The following ZNF438 variants were observed in gnomAD, a reference collection of about 807,000 sequenced individuals.
The protein encoded by ZNF438 is zinc finger protein 438.
ZNF438 carries 25 observed loss-of-function variants against 38.0 expected under a neutral mutation model. The ratio of observed to expected loss-of-function variants is 0.66; its 90% CI spans 0.48 to 0.92. The LOEUF (loss-of-function observed/expected upper bound fraction) is 0.92, where lower values mean the gene tolerates loss of function less well. ZNF438 is among the 40% of genes least tolerant of loss of function. ZNF438 has a pLI of 0.00. For synonymous variants in ZNF438, 372 were observed against 364.1 expected (o/e 1.02, Z -0.25); for missense variants, 1,007 against 999.6 (o/e 1.01, Z -0.10).
intron 1 of ZNF438, among the ~76,000 whole-genome samples, chr10:30,983,757 C>T (rs181521836): frequency 1.3e-4 from 20 of 152,050 alleles, no homozygotes; most frequent in Admixed American, 1.2e-3. Flanking sequence ...TCCAGAAAAT[C>T]TACTTCTAAA....
chr10:31,013,442 C>A (rs977624292), intron 1 of ZNF438, among the ~76,000 whole-genome samples: 1 of 152,166 alleles, frequency 6.6e-6, no homozygotes, highest in Admixed American at 6.5e-5. Flanking sequence ...CCCACAGATT[C>A]AATTCCAAAC....
intron 1 of ZNF438, among the ~76,000 whole-genome samples, chr10:31,011,338 C>T (rs1363163655): frequency 6.6e-6 from 1 of 152,192 alleles, no homozygotes; most frequent in African/African-American, 2.4e-5. Flanking sequence ...CTCCTGACCC[C>T]CATTTCCCTC....
chr10:30,872,856 G>C (rs2037707852), intron 4 of ZNF438, among the ~76,000 whole-genome samples: 1 of 151,738 alleles, frequency 6.6e-6, no homozygotes, highest in Non-Finnish European at 1.5e-5. Flanking sequence ...TTAACCAACT[G>C]TGTAGGAACT....
chr10:30,965,370 G>GT (rs1348563152), intron 1 of ZNF438, among the ~76,000 whole-genome samples: 1 of 152,198 alleles, frequency 6.6e-6, no homozygotes, highest in Non-Finnish European at 1.5e-5. Flanking sequence ...GTGGACAGCA[G>GT]TTTGGAGAGT....
chr10:30,892,187 G>A (rs1409024547), intron 3 of ZNF438, among the ~76,000 whole-genome samples: 1 of 151,932 alleles, frequency 6.6e-6, no homozygotes, highest in Admixed American at 6.6e-5. Flanking sequence ...TACATTCCAA[G>A]ATCCCCAGTG....
chr10:30,995,768 G>A (rs548438835), intron 1 of ZNF438, among the ~76,000 whole-genome samples: 8 of 152,194 alleles, frequency 5.3e-5, no homozygotes, highest in Admixed American at 2.0e-4. Flanking sequence ...AAAGTTCTTC[G>A]GGAGTAAGAA....
rs546328174 is a variant in ZNF438 at position 31,004,650 on chromosome 10, T to C, written c.-192+27183A>G. ...GAGCGTATCATTAAAGTGAAAAAAC[T>C]GGCAGGTAGTTGAGCTCATCCAGTT... On this transcript the variant is annotated intron_variant, in intron 1 of 5. Transcript: ENST00000413025. Among the ~76,000 whole-genome samples, 9 of 152,244 alleles carry C rather than the reference T, an allele frequency of 5.9e-5. No individual in the cohort carries two copies. In the South Asian group the frequency reaches 1.9e-3, roughly 32 times the overall value.
chr10:31,018,713 CAA>C (rs1337650657), intron 1 of ZNF438, among the ~76,000 whole-genome samples: 3 of 152,158 alleles, frequency 2.0e-5, no homozygotes, highest in African/African-American at 7.2e-5. Context: ...TTCCTTGAAA[CAA>C]GAGAGAGATA....
intron 4 of ZNF438, chr10:30,857,836 C>T (rs1392456102): frequency 8.7e-7 from 1 of 1,144,030 alleles, no homozygotes; most frequent in Admixed American, 3.3e-5. Context: ...GGCTCAATAG[C>T]ACTAGGTGCC....
In ZNF438 at chr10:30,845,843, C is replaced by A. The variant is rs533256791; in HGVS notation, c.1875-270G>T. Reference sequence around the variant, plus strand: ...CGCATCTGTCCCAGGCGAGCTAACTCGTCTTTGGTTACCACAGGGACAGGA... The same window carrying A: ...CGCATCTGTCCCAGGCGAGCTAACTAGTCTTTGGTTACCACAGGGACAGGA... On this transcript the variant is annotated intron_variant, in intron 5 of 5. Transcript: ENST00000413025. Among the ~76,000 whole-genome samples the A allele has an allele frequency of 6.2e-4, 94 of 152,286 alleles. 1 individual carries two copies. The highest frequency in any genetic ancestry group is 8.8e-5 in the Non-Finnish European group (6 of 68,018).
At chr10:30,906,486 GA>G (rs2042599428) in intron 3 of ZNF438, among the ~76,000 whole-genome samples, 1 of 152,004 alleles carries the variant, frequency 6.6e-6, no homozygotes, top group Non-Finnish European at 1.5e-5. Context: ...GATTCCTTAA[GA>G]TTTTTTTACA....
At chr10:31,004,301 T>C (rs1335429949) in intron 1 of ZNF438, among the ~76,000 whole-genome samples, 1 of 152,174 alleles carries the variant, frequency 6.6e-6, no homozygotes, top group Non-Finnish European at 1.5e-5. Flanking sequence ...AAAAAGATTA[T>C]ATTTAACCAA....
At chr10:30,941,291 C>T (rs920458621) in intron 2 of ZNF438, among the ~76,000 whole-genome samples, 4 of 152,204 alleles carry the variant, frequency 2.6e-5, no homozygotes, top group African/African-American at 9.6e-5. Context: ...AGGCTGGTCT[C>T]GAAATCCTGA....
exon 6 of ZNF438, chr10:30,844,981 A>G (rs867908418): frequency 6.2e-6 from 10 of 1,613,774 alleles, no homozygotes; most frequent in South Asian, 5.5e-5. Flanking sequence ...GCTTCACTGG[A>G]AAGTTCGATC....
intron 2 of ZNF438, among the ~76,000 whole-genome samples, chr10:30,924,202 G>C (rs1303820731): frequency 6.6e-6 from 1 of 152,144 alleles, no homozygotes; most frequent in Non-Finnish European, 1.5e-5. Context: ...GTTTGGTCTA[G>C]GTCCTGATGT....
intron 1 of ZNF438, among the ~76,000 whole-genome samples, chr10:31,011,536 G>A (rs1375004088): frequency 6.6e-6 from 1 of 152,216 alleles, no homozygotes; most frequent in Non-Finnish European, 1.5e-5. Flanking sequence ...GAGCTGGTGA[G>A]GAAGAGAGTC....
At chr10:31,003,075 TG>T (rs2054811239) in intron 1 of ZNF438, among the ~76,000 whole-genome samples, 1 of 152,078 alleles carries the variant, frequency 6.6e-6, no homozygotes, top group African/African-American at 2.4e-5. Context: ...CTGACTCCCA[TG>T]GGGAGTCTGG....
At chr10:30,865,959 G>A (rs1440635458) in intron 4 of ZNF438, among the ~76,000 whole-genome samples, 3 of 152,158 alleles carry the variant, frequency 2.0e-5, no homozygotes, top group Non-Finnish European at 4.4e-5. Context: ...ATATCAAGAT[G>A]TCATTTGCCT....
rs375767076 is a variant in ZNF438 at position 30,901,556 on chromosome 10, C to T, written c.-32+7377G>A. On this transcript the variant is annotated intron_variant, in intron 3 of 5. Coordinates refer to ENST00000413025, the Ensembl canonical transcript of ZNF438. ...CGACAGGTGCCCGGTATTTGGCCCC[C>T]GAATTCTAAGGAAAAATAGGACAGA... Among the ~76,000 whole-genome samples the T allele has an allele frequency of 3.9e-5, 6 of 152,096 alleles. 1 individual carries two copies. Among genetic ancestry groups the T allele is most frequent in the African/African-American group, 1.4e-4 (6 of 41,484 alleles).
Sources: allele counts gnomAD v4.1 joint callset (sites outside exome capture counted in the v4.1 genomes callset), GRCh38; gene constraint gnomAD v4.1.1; transcripts MANE v1.5; gene names NCBI Gene and HGNC (gene_info 2026-07-23, HGNC 2026-07-21).